ARFGEF3: variants seen among roughly 807,000 people sequenced by gnomAD.
ARFGEF3 encodes the protein brefeldin A-inhibited guanine nucleotide-exchange protein 3.
A neutral mutation model predicts 221.7 loss-of-function variants in ARFGEF3; 96 were observed. The observed-to-expected ratio is 0.43, with a 90% CI of 0.37 to 0.51. ARFGEF3 has a LOEUF of 0.51. ARFGEF3 is among the 20% of genes least tolerant of loss of function. The pLI, the probability that ARFGEF3 is intolerant of heterozygous loss-of-function variation, is 0.00. For missense variants in ARFGEF3, 2,410 were observed against 2,789.9 expected (o/e 0.86, Z 3.07); for synonymous variants, 1,145 against 1,126.8 (o/e 1.02, Z -0.32).
At chr6:138,303,487 T>C (rs1035942705) in intron 22 of ARFGEF3, among the ~76,000 whole-genome samples, 1 of 152,138 alleles carries the variant, frequency 6.6e-6, no homozygotes, top group African/African-American at 2.4e-5. Flanking sequence ...GAGATACTAT[T>C]TCACATCTAC....
rs537847433 is a variant in ARFGEF3, at chr6:138,259,850, G to C, written c.1105-1677G>C. On this transcript the variant is annotated intron_variant, in intron 10 of 33. Coordinates refer to ENST00000251691, the MANE Select transcript of ARFGEF3 (RefSeq NM_020340.5). ...AATCGCTTGAACCCAGGAGGCGGAGGTTGCAGTGAGCCAAGATTGTGCTGC... is the reference window on the plus strand; with the variant it reads ...AATCGCTTGAACCCAGGAGGCGGAGCTTGCAGTGAGCCAAGATTGTGCTGC... Among the ~76,000 whole-genome samples, 7 of 152,190 alleles carry C rather than the reference G, an allele frequency of 4.6e-5. No individual in the cohort carries two copies. In the South Asian group the frequency reaches 1.5e-3, roughly 32 times the overall value.
chr6:138,189,547 A>G (rs1381377575), intron 2 of ARFGEF3, among the ~76,000 whole-genome samples: 1 of 152,226 alleles, frequency 6.6e-6, no homozygotes, highest in Non-Finnish European at 1.5e-5. Context: ...GATATATAGT[A>G]TGTAATATTT....
rs766060414 is a variant in ARFGEF3 at position 138,162,116 on chromosome 6, G to A, written c.30G>A (p.Lys10=). Residue 10 remains lysine (K), a synonymous_variant, in exon 1 of 34, where the codon AAG becomes AAA. Transcript: ENST00000251691. The surrounding 1 kb of genome is among the most constrained non-coding windows in gnomAD (Gnocchi z 4.7). ...AAGAAATCCTGAGGAAGCTGCAGAA[G>A]GAGGCGTCCGGGAGCAAGTACAAAG... MEEILRKLQ[K]EASGSKYKAI... 36 of 1,604,782 alleles carry A rather than the reference G, an allele frequency of 2.2e-5. No homozygotes were observed. Among genetic ancestry groups the A allele is most frequent in the Non-Finnish European group, 2.8e-5 (33 of 1,175,462 alleles).
chr6:138,227,479 G>C (rs1033494663), intron 4 of ARFGEF3, among the ~76,000 whole-genome samples: 2 of 152,100 alleles, frequency 1.3e-5, no homozygotes, highest in Non-Finnish European at 2.9e-5. Context: ...AGTCCTATAA[G>C]CAATGTTAAT....
At position 138,231,257 on chromosome 6, in the gene ARFGEF3, C is replaced by T. The variant is rs143161099; in HGVS notation, c.420+1405C>T. 1.7e-3 allele frequency among the ~76,000 whole-genome samples: 260 copies of T among 152,214 alleles called. 1 individual carries two copies. Among genetic ancestry groups the T allele is most frequent in the African/African-American group, 6.1e-3 (252 of 41,548 alleles). On this transcript the variant is annotated intron_variant, in intron 5 of 33. Transcript: ENST00000251691. ...CCAAAATAAAAAGACTCAGCAGGCC[C>T]GTCCAGATAGGATGCAACATTGAAA... is the stretch of plus-strand genomic sequence containing the variant.
chr6:138,202,017 A>C lies in ARFGEF3; in HGVS notation c.138-5025A>C, dbSNP rs115983737. On this transcript the variant is annotated intron_variant, in intron 2 of 33. Coordinates refer to ENST00000251691, the MANE Select transcript of ARFGEF3 (RefSeq NM_020340.5). ...TCTCCTTGACATGACCAGATGCAGC[A>C]TCACAGTGCGGATGATGCCTTCCTC... Among the ~76,000 whole-genome samples the C allele has an allele frequency of 7.2e-3, 1,091 of 152,368 alleles. 16 individuals are homozygous for C. The highest frequency in any genetic ancestry group is 0.024 in the African/African-American group (1,002 of 41,586).
intron 23 of ARFGEF3, among the ~76,000 whole-genome samples, chr6:138,307,729 T>C (rs920842360): frequency 6.6e-6 from 1 of 152,184 alleles, no homozygotes; most frequent in African/African-American, 2.4e-5. Flanking sequence ...AAAAGTATCA[T>C]AACACAGAGT....
At chr6:138,274,204 A>G (rs1398719810) in intron 12 of ARFGEF3, among the ~76,000 whole-genome samples, 1 of 152,220 alleles carries the variant, frequency 6.6e-6, no homozygotes, top group Admixed American at 6.5e-5. Flanking sequence ...ATTATTACTG[A>G]TGTCTAAAAT....
At position 138,262,718 on chromosome 6, in the gene ARFGEF3, C is replaced by T. The variant is rs1190069281; in HGVS notation, c.1235C>T (p.Thr412Ile). 3 of 1,604,306 alleles carry T rather than the reference C, an allele frequency of 1.9e-6. No individual in the cohort carries two copies. The highest frequency in any genetic ancestry group is 1.3e-5 in the African/African-American group (1 of 74,884). The change falls in exon 12 of 34, where the codon ACC (threonine) becomes ATC (isoleucine). Residue 412 changes from threonine (T) to isoleucine (I), a missense_variant. Coordinates refer to ENST00000251691, the MANE Select transcript of ARFGEF3 (RefSeq NM_020340.5). ...CTGTTTAGCATCATGGATGGCATGA[C>T]CGAAGCATGCATCAAGGGTGGCATC... ...DLLKLIMDGM[T>I]EACIKGGIEA...
intron 2 of ARFGEF3, among the ~76,000 whole-genome samples, chr6:138,204,647 T>G (rs980832031): frequency 1.3e-5 from 2 of 152,226 alleles, no homozygotes; most frequent in Non-Finnish European, 2.9e-5. Flanking sequence ...CAACCTCTGA[T>G]ACATATATTA....
chr6:138,279,865 G>T, intron 13 of ARFGEF3, 134 bp from the exon 14 acceptor site: 3 of 767,802 alleles, frequency 3.9e-6, no homozygotes, highest in Non-Finnish European at 6.3e-6. Context: ...CTCCCCACTT[G>T]CCGCCCCCTT....
At chr6:138,304,281 G>A (rs1779680642) in intron 22 of ARFGEF3, among the ~76,000 whole-genome samples, 1 of 152,206 alleles carries the variant, frequency 6.6e-6, no homozygotes, top group African/African-American at 2.4e-5. Context: ...TATATGAAAT[G>A]TCAGAATAGG....
intron 2 of ARFGEF3, among the ~76,000 whole-genome samples, chr6:138,185,476 C>T (rs910760995): frequency 2.6e-5 from 4 of 152,180 alleles, no homozygotes; most frequent in Non-Finnish European, 5.9e-5. Context: ...AGGATAGCCC[C>T]GGCATGTGCA....
At chr6:138,188,147 G>C (rs955598906) in intron 2 of ARFGEF3, among the ~76,000 whole-genome samples, 1 of 152,012 alleles carries the variant, frequency 6.6e-6, no homozygotes, top group African/African-American at 2.4e-5. Flanking sequence ...GCAGATTTTT[G>C]TGGGCACCCA....
In ARFGEF3 at chr6:138,307,437, T is replaced by G. The variant is rs535397142; in HGVS notation, c.3973+40T>G. 3.8e-6 allele frequency: 6 copies of G among 1,583,136 alleles called. No homozygotes were observed. The African/African-American group carries it at 5.4e-5, about 14-fold the overall frequency. ...ATGATTCTTGCTATTCAGCATTAATTCTCTGTGCCAAGTTTCATGCTATTA... is the reference window on the plus strand; with the variant it reads ...ATGATTCTTGCTATTCAGCATTAATGCTCTGTGCCAAGTTTCATGCTATTA... On this transcript the variant is annotated intron_variant, in intron 23 of 33. Coordinates refer to ENST00000251691, the MANE Select transcript of ARFGEF3 (RefSeq NM_020340.5).
chr6:138,304,445 G>C (rs567584694), intron 22 of ARFGEF3, among the ~76,000 whole-genome samples: 1 of 152,078 alleles, frequency 6.6e-6, no homozygotes. Context: ...CACATTAAAG[G>C]CCTATTAACC....
intron 14 of ARFGEF3, among the ~76,000 whole-genome samples, chr6:138,282,263 C>G (rs1779209577): frequency 6.6e-6 from 1 of 152,094 alleles, no homozygotes; most frequent in South Asian, 2.1e-4. Flanking sequence ...CCTCCCCAGA[C>G]TGGTTTCTGA....
At chr6:138,288,955 A>ATT (rs5880381) in intron 17 of ARFGEF3, among the ~76,000 whole-genome samples, 2 of 150,378 alleles carry the variant, frequency 1.3e-5, no homozygotes, top group Admixed American at 1.3e-4. Context: ...GTCATCTACA[A>ATT]TTTTTTTTTT....
At chr6:138,311,345 C>T (rs1050168072) in intron 24 of ARFGEF3, 62 bp from the exon 25 acceptor site, 19 of 1,014,934 alleles carry the variant, frequency 1.9e-5, no homozygotes, top group Non-Finnish European at 2.7e-5. Flanking sequence ...AAACAGGTCT[C>T]CTGTTACAGG....
Sources: allele counts gnomAD v4.1 joint callset (sites outside exome capture counted in the v4.1 genomes callset), GRCh38; gene constraint gnomAD v4.1.1; non-coding constraint Gnocchi (gnomAD v3.1); transcripts MANE v1.5; gene names NCBI Gene and HGNC (gene_info 2026-07-23, HGNC 2026-07-21).